The following NRP1 variants were observed in gnomAD, a reference collection of about 807,000 sequenced individuals.
NRP1 encodes the protein neuropilin 1.
Under a neutral mutation model 106.7 loss-of-function variants are expected in NRP1, and 35 were observed. The ratio of observed to expected loss-of-function variants is 0.33; its 90% CI spans 0.25 to 0.43. NRP1 has a LOEUF of 0.43. NRP1 is among the 20% of genes least tolerant of loss of function. The probability of loss-of-function intolerance (pLI) is 1.00; values close to 1 mark genes in which losing one functional copy is unlikely to be tolerated. For missense variants in NRP1, 1,024 were observed against 1,170.4 expected (o/e 0.87, Z 1.83); for synonymous variants, 437 against 417.9 (o/e 1.05, Z -0.56).
intron 2 of NRP1, among the ~76,000 whole-genome samples, chr10:33,282,543 C>T (rs1296644070): frequency 1.3e-5 from 2 of 152,014 alleles, no homozygotes; most frequent in Non-Finnish European, 2.9e-5. Flanking sequence ...TTTTTTCACC[C>T]CCCAGTAACT....
chr10:33,207,850 T>C, intron 9 of NRP1, 134 bp from the exon 10 acceptor site: 1 of 790,716 alleles, frequency 1.3e-6, no homozygotes. Flanking sequence ...TTGTGGTACA[T>C]CTCTTTCATA....
At chr10:33,197,012 A>T (rs893814043) in intron 12 of NRP1, among the ~76,000 whole-genome samples, 19 of 152,286 alleles carry the variant, frequency 1.2e-4, no homozygotes, top group Non-Finnish European at 1.3e-4. Flanking sequence ...TTCACAGGAT[A>T]CTAACAAAAC....
intron 2 of NRP1, among the ~76,000 whole-genome samples, chr10:33,313,431 A>G (rs541807549): frequency 9.8e-4 from 149 of 152,302 alleles, no homozygotes; most frequent in African/African-American, 3.4e-3. Context: ...ATCTCTGATT[A>G]TTACACATTG....
intron 2 of NRP1, among the ~76,000 whole-genome samples, chr10:33,271,716 A>G (rs1843321066): frequency 6.6e-6 from 1 of 152,226 alleles, no homozygotes; most frequent in African/African-American, 2.4e-5. Flanking sequence ...TAACACAAAG[A>G]TAAGAGATAG....
intron 12 of NRP1, among the ~76,000 whole-genome samples, chr10:33,196,580 C>T (rs1052388674): frequency 3.3e-5 from 5 of 152,128 alleles, no homozygotes; most frequent in Non-Finnish European, 7.3e-5. Flanking sequence ...GGCAGTGACT[C>T]TTCTGTTTCA....
rs779102181 is a variant in NRP1 at position 33,270,745 on chromosome 10, A to G, written c.360T>C (p.Phe120=). The G allele has an allele frequency of 6.2e-7, 1 of 1,614,046 alleles. No homozygotes were observed. The highest frequency in any genetic ancestry group is 1.1e-5 in the South Asian group (1 of 91,034). ...PPVVSSGPFL[F]IKFVSDYETH... is the part of the protein sequence containing the mutation. ...TTTCGTAGTCAGAGACAAATTTGAT[A>G]AAAAGAAATGGCCCTGAAGACACAA... The change falls in exon 3 of 17, where the codon TTT becomes TTC. Residue 120 remains phenylalanine, a synonymous_variant. Transcript: ENST00000374867.
chr10:33,186,333 G>A lies in NRP1; in HGVS notation c.2218C>T (p.Leu740=), dbSNP rs1836002696. 1 of 1,614,180 alleles carries A rather than the reference G, an allele frequency of 6.2e-7. No individual in the cohort carries two copies. Among genetic ancestry groups the A allele is most frequent in the South Asian group, 1.1e-5 (1 of 91,080 alleles). The stretch of plus-strand genomic sequence containing the variant: ...TACTCCTCTGGCTTCTGGTAGCGCA[G>A]TTTGACCCTGAGTGTGCCGACGTGG... ...GSHVGTLRVK[L]RYQKPEEYDQ... The change falls in exon 14 of 17, where the codon CTG becomes TTG. Residue 740 remains leucine, a synonymous_variant. Coordinates refer to ENST00000374867, the MANE Select transcript of NRP1 (RefSeq NM_003873.7).
intron 6 of NRP1, among the ~76,000 whole-genome samples, chr10:33,236,741 A>G (rs768194989): frequency 1.3e-5 from 2 of 152,240 alleles, no homozygotes; most frequent in Non-Finnish European, 2.9e-5. Flanking sequence ...AAGACATGGT[A>G]GCAGAATTGG....
chr10:33,304,770 G>A (rs756076010), intron 2 of NRP1, among the ~76,000 whole-genome samples: 9 of 152,160 alleles, frequency 5.9e-5, no homozygotes, highest in Non-Finnish European at 1.3e-4. Flanking sequence ...GAAATGCATG[G>A]CACTCCTCAC....
chr10:33,213,950 T>C (rs898947990), intron 8 of NRP1: 10 of 538,268 alleles, frequency 1.9e-5, no homozygotes, highest in African/African-American at 1.5e-4. Context: ...AATAAGAACA[T>C]ACATTTCCCC....
At chr10:33,207,841 T>A in intron 9 of NRP1, 125 bp from the exon 10 acceptor site, 9 of 882,650 alleles carry the variant, frequency 1.0e-5, no homozygotes, top group Non-Finnish European at 1.4e-5. Context: ...TCTACCACTT[T>A]GTGGTACATC....
chr10:33,202,355 G>A (rs778086918), intron 11 of NRP1: 20 of 274,692 alleles, frequency 7.3e-5, no homozygotes, highest in South Asian at 1.3e-4. Flanking sequence ...TTTGCTGGTC[G>A]GTGGTGATGT....
At chr10:33,213,910 T>G in intron 8 of NRP1, 193 bp from the exon 9 acceptor site, 1 of 566,012 alleles carries the variant, frequency 1.8e-6, no homozygotes, top group East Asian at 3.0e-5. Context: ...TTCCCGTCTC[T>G]AAACTCACAT....
chr10:33,334,193 C>T, intron 1 of NRP1, 117 bp downstream of exon 1: 6 of 883,194 alleles, frequency 6.8e-6, no homozygotes, highest in Non-Finnish European at 1.0e-5. Context: ...AAGTTTCCTT[C>T]GCCCGGGAGT....
At chr10:33,189,723 T>C (rs1256725159) in intron 13 of NRP1, among the ~76,000 whole-genome samples, 1 of 152,186 alleles carries the variant, frequency 6.6e-6, no homozygotes, top group African/African-American at 2.4e-5. Context: ...AGCAGGATAT[T>C]TTACCTAGCT....
intron 15 of NRP1, among the ~76,000 whole-genome samples, chr10:33,185,222 C>G (rs568060828): frequency 2.6e-5 from 4 of 152,316 alleles, no homozygotes; most frequent in African/African-American, 9.6e-5. Flanking sequence ...CTTAATTAAA[C>G]TTATTCTGAT....
At chr10:33,317,557 G>C (rs1412578422) in intron 2 of NRP1, among the ~76,000 whole-genome samples, 1 of 152,188 alleles carries the variant, frequency 6.6e-6, no homozygotes, top group African/African-American at 2.4e-5. Context: ...ACACTATTTT[G>C]TTGAATGGAT....
In NRP1 at chr10:33,204,194, C is replaced by T. The variant is rs575181885; in HGVS notation, c.1760-1199G>A. Among the ~76,000 whole-genome samples the T allele has an allele frequency of 5.3e-5, 8 of 152,192 alleles. No homozygotes were observed. In the East Asian group the frequency reaches 1.2e-3, roughly 22 times the overall value. On this transcript the variant is annotated intron_variant, in intron 10 of 16. Transcript: ENST00000374867. ...TGGTGGCTGGGGCCTGTTCTCTTCT[C>T]GCCAGTAGGAATGTGTCAGTAACTG... is the stretch of plus-strand genomic sequence containing the variant.
intron 3 of NRP1, among the ~76,000 whole-genome samples, chr10:33,266,254 G>T (rs1447763758): frequency 6.6e-6 from 1 of 152,196 alleles, no homozygotes; most frequent in Non-Finnish European, 1.5e-5. Context: ...TGCTATGGAA[G>T]TGATCCCAGG....
Sources: allele counts gnomAD v4.1 joint callset (sites outside exome capture counted in the v4.1 genomes callset), GRCh38; gene constraint gnomAD v4.1.1; transcripts MANE v1.5; gene names NCBI Gene and HGNC (gene_info 2026-07-23, HGNC 2026-07-21).